Variants in SREBF2 observed in about 807,000 individuals in gnomAD.
The protein encoded by SREBF2 is sterol regulatory element binding transcription factor 2.
A neutral mutation model predicts 113.1 loss-of-function variants in SREBF2; 55 were observed. That is an observed-to-expected ratio of 0.49 (90% confidence interval 0.39 to 0.61). The LOEUF is 0.61. SREBF2 is among the 20% of genes least tolerant of loss of function. The probability of loss-of-function intolerance (pLI) is 0.00; values close to 1 mark genes in which losing one functional copy is unlikely to be tolerated. For synonymous variants in SREBF2, 593 were observed against 605.7 expected, an observed-to-expected ratio of 0.98 and a Z score of 0.31; for missense variants, 1,349 against 1,487.4, an observed-to-expected ratio of 0.91 and a Z score of 1.53.
At chr22:41,904,823 G>T in intron 17 of SREBF2, 40 bp from the exon 18 acceptor site, 5 of 1,494,112 alleles carry the variant, frequency 3.3e-6, no homozygotes, top group Non-Finnish European at 4.6e-6. Context: ...GATGGGTGGG[G>T]ACCAGGGGTG....
At position 41,907,009 on chromosome 22, in the gene SREBF2, CTG is replaced by C; in HGVS notation, c.*1350_*1351del. The C allele has an allele frequency of 6.6e-6, 1 of 152,346 alleles. No homozygotes were observed. Among genetic ancestry groups the C allele is most frequent in the East Asian group, 1.9e-4 (1 of 5,188 alleles). 9.4% of individuals were successfully genotyped at this position (152,346 alleles called of 1,614,324 possible). The stretch of plus-strand genomic sequence containing the variant: ...GGGTGGGCAGGAGCCCCAGCACAGA[CTG>C]GGGGGTGCTCACAGCAGGGCCACCT... On this transcript the variant is annotated 3_prime_UTR_variant, in exon 19 of 19. Transcript: ENST00000361204.
At chr22:41,844,033 T>TACACACACACACACACACACACAC (rs71311415) in intron 1 of SREBF2, among the ~76,000 whole-genome samples, 1 of 123,108 alleles carries the variant, frequency 8.1e-6, no homozygotes. Context: ...AAAAAATACA[T>TACACACACACACACACACACACAC]ACACACACAC....
chr22:41,877,986 T>C lies in SREBF2; in HGVS notation c.1624T>C (p.Trp542Arg), dbSNP rs1324134701. ...CTGGATGATGCCTACTCTTCTCTTA[T>C]GGCTGGTAAATGGTGTGATTGTCCT... Reference protein sequence around the residue: ...FDWMMPTLLLWLVNGVIVLSV... With the variant: ...FDWMMPTLLLRLVNGVIVLSV... The change falls in exon 9 of 19, where the codon TGG becomes CGG. Residue 542 changes from tryptophan (W) to arginine (R), a missense_variant. By Grantham distance (101) the Trp-to-Arg change is moderately radical. Transcript: ENST00000361204. The C allele has an allele frequency of 8.1e-6, 13 of 1,614,086 alleles. No individual in the cohort carries two copies. Among genetic ancestry groups the C allele is most frequent in the Non-Finnish European group, 1.1e-5 (13 of 1,180,042 alleles).
intron 11 of SREBF2, among the ~76,000 whole-genome samples, chr22:41,889,144 G>A (rs188007767): frequency 6.6e-6 from 1 of 152,178 alleles, no homozygotes; most frequent in Admixed American, 6.5e-5. Context: ...TTCGTTTTTT[G>A]AAACAGTGTC....
chr22:41,839,956 C>CTTTTT (rs10588397), intron 1 of SREBF2, among the ~76,000 whole-genome samples: 30 of 117,556 alleles, frequency 2.6e-4, no homozygotes, highest in African/African-American at 2.8e-4. Context: ...TGCTTAGTTT[C>CTTTTT]TTTTTTTTTT....
At chr22:41,905,058 C>T (rs1176487521) in intron 18 of SREBF2, 84 bp downstream of exon 18, 3 of 1,258,684 alleles carry the variant, frequency 2.4e-6, no homozygotes, top group African/African-American at 3.0e-5. Flanking sequence ...GCCCAGCTCC[C>T]ACATCTGGCA....
intron 1 of SREBF2, among the ~76,000 whole-genome samples, chr22:41,860,933 T>G (rs772416248): frequency 6.6e-6 from 1 of 152,124 alleles, no homozygotes; most frequent in Non-Finnish European, 1.5e-5. Flanking sequence ...TTTTTCATCA[T>G]TAAGTTAAAC....
chr22:41,894,493 A>G (rs1363921035), intron 12 of SREBF2, among the ~76,000 whole-genome samples: 1 of 152,070 alleles, frequency 6.6e-6, no homozygotes, highest in East Asian at 1.9e-4. Context: ...ATCCTCTGAG[A>G]CATTCCATTT....
rs573013691 is a variant in SREBF2, at chr22:41,895,648, C to T, written c.2495+711C>T. Reference sequence around the variant, plus strand: ...ATGAGGTTTCACCATGTCATTCAGGCTGGTCTTGAACTCCTGATCTCGGGC... The same window carrying T: ...ATGAGGTTTCACCATGTCATTCAGGTTGGTCTTGAACTCCTGATCTCGGGC... On this transcript the variant is annotated intron_variant, in intron 13 of 18. Coordinates refer to ENST00000361204, the MANE Select transcript of SREBF2 (RefSeq NM_004599.4). Among the ~76,000 whole-genome samples the T allele has an allele frequency of 5.3e-5, 8 of 150,148 alleles. No homozygotes were observed. The South Asian group carries it at 1.7e-3, about 32-fold the overall frequency.
intron 15 of SREBF2, 90 bp from the exon 16 acceptor site, chr22:41,900,240 G>A: frequency 6.4e-7 from 1 of 1,570,144 alleles, no homozygotes; most frequent in Non-Finnish European, 8.6e-7. Context: ...ATATCAGTGT[G>A]GGGCGTGGCA....
intron 11 of SREBF2, among the ~76,000 whole-genome samples, chr22:41,888,138 CA>C (rs936283233): frequency 2.6e-5 from 4 of 152,214 alleles, no homozygotes; most frequent in African/African-American, 9.7e-5. Context: ...CTCTTAATTT[CA>C]GTGAAATCCA....
At chr22:41,852,629 C>T (rs12627860) in intron 1 of SREBF2, among the ~76,000 whole-genome samples, 1 of 149,810 alleles carries the variant, frequency 6.7e-6, no homozygotes. Context: ...AACCAAAACT[C>T]TTATTTAACC....
intron 1 of SREBF2, among the ~76,000 whole-genome samples, chr22:41,850,542 C>CT: frequency 6.6e-6 from 1 of 151,992 alleles, no homozygotes; most frequent in Admixed American, 6.5e-5. Context: ...TGTCTTACAG[C>CT]TTTTCCCCAA....
chr22:41,872,109 G>A (rs2077149952), intron 4 of SREBF2, among the ~76,000 whole-genome samples: 1 of 151,966 alleles, frequency 6.6e-6, no homozygotes, highest in Non-Finnish European at 1.5e-5. Context: ...AATTAGCCGG[G>A]CATGGTGGCG....
chr22:41,890,082 T>C (rs1286092322), intron 11 of SREBF2, among the ~76,000 whole-genome samples: 1 of 152,094 alleles, frequency 6.6e-6, no homozygotes, highest in East Asian at 1.9e-4. Flanking sequence ...TTTTATTTAT[T>C]TATTTATTTT....
chr22:41,860,457 C>G (rs866594495), intron 1 of SREBF2, among the ~76,000 whole-genome samples: 22 of 152,298 alleles, frequency 1.4e-4, no homozygotes, highest in African/African-American at 4.8e-4. Context: ...TGAGGAAACA[C>G]TAGCAGGAGC....
intron 9 of SREBF2, among the ~76,000 whole-genome samples, chr22:41,879,153 G>A (rs540635112): frequency 2.1e-4 from 32 of 152,308 alleles, no homozygotes; most frequent in African/African-American, 4.6e-4. Flanking sequence ...GAGCCACCAC[G>A]CCTGGCTGAG....
Position 41,874,002 on chromosome 22 carries a change from A to G in SREBF2, c.1072A>G (p.Met358Val). 6.2e-7 allele frequency: 1 copy of G among 1,614,188 alleles called. No homozygotes were observed. Among genetic ancestry groups the G allele is most frequent in the Non-Finnish European group, 8.5e-7 (1 of 1,180,040 alleles). ...AATCATCGAATTGAAAGACCTGGTC[A>G]TGGGGACAGACGCCAAGGTGGGTGC... ...DKIIELKDLVMGTDAKMHKSG... is the reference protein window; with the variant it reads ...DKIIELKDLVVGTDAKMHKSG... Residue 358 changes from methionine (M) to valine (V), a missense_variant, in exon 5 of 19, where the codon ATG becomes GTG. Transcript: ENST00000361204.
intron 11 of SREBF2, chr22:41,886,257 T>G (rs2077298178): frequency 3.9e-5 from 6 of 152,176 alleles, no homozygotes; most frequent in Admixed American, 3.9e-4. Context: ...CATTTCAACC[T>G]TCCCTCGACA....
Sources: allele counts gnomAD v4.1 joint callset (sites outside exome capture counted in the v4.1 genomes callset), GRCh38; gene constraint gnomAD v4.1.1; transcripts MANE v1.5; gene names NCBI Gene and HGNC (gene_info 2026-07-23, HGNC 2026-07-21).